The following CSMD3 variants were observed in gnomAD, a reference collection of about 807,000 sequenced individuals.
CSMD3 encodes CUB and Sushi multiple domains 3, also known as CUB and sushi domain-containing protein 3.
In CSMD3, 177 loss-of-function variants were observed where a neutral mutation model predicts 435.2. That is an observed-to-expected ratio of 0.41 (90% CI 0.36 to 0.46). CSMD3 has a LOEUF of 0.46. Among genes scored for constraint, CSMD3 ranks in the 20% least tolerant of loss-of-function variants. The pLI is 0.34. For missense variants in CSMD3, 4,265 were observed against 4,504.6 expected (o/e 0.95, Z 1.52); for synonymous variants, 1,656 against 1,520.5 (o/e 1.09, Z -2.07).
intron 10 of CSMD3, among the ~76,000 whole-genome samples, chr8:112,883,359 A>T (rs1280058188): frequency 1.3e-5 from 2 of 152,014 alleles, no homozygotes; most frequent in Non-Finnish European, 2.9e-5. Flanking sequence ...TAAAATAAGT[A>T]GGTTATTATT....
intron 4 of CSMD3, among the ~76,000 whole-genome samples, chr8:113,127,682 C>T (rs2091173457): frequency 6.6e-6 from 1 of 152,046 alleles, no homozygotes; most frequent in South Asian, 2.1e-4. Context: ...TTCTAATCTC[C>T]TTTAATCCAT....
chr8:112,364,034 G>A (rs1827514300), intron 38 of CSMD3, among the ~76,000 whole-genome samples: 1 of 151,834 alleles, frequency 6.6e-6, no homozygotes, highest in Admixed American at 6.6e-5. Context: ...TAGCTCAAGG[G>A]AGAAGACCAT....
chr8:113,121,960 C>T (rs1564339546), intron 4 of CSMD3, among the ~76,000 whole-genome samples: 1 of 152,020 alleles, frequency 6.6e-6, no homozygotes, highest in African/African-American at 2.4e-5. Context: ...TAGAAAAGAA[C>T]GTGATGTATA....
intron 23 of CSMD3, among the ~76,000 whole-genome samples, chr8:112,579,536 G>A (rs895629616): frequency 6.6e-6 from 1 of 151,860 alleles, no homozygotes; most frequent in African/African-American, 2.4e-5. Flanking sequence ...AAAATTATAT[G>A]TATTGCTCTT....
intron 7 of CSMD3, among the ~76,000 whole-genome samples, chr8:112,970,703 T>G (rs2084618551): frequency 6.6e-6 from 1 of 151,464 alleles, no homozygotes; most frequent in Admixed American, 6.6e-5. Flanking sequence ...GTTTCAAACA[T>G]TAATTCAGCT....
chr8:113,300,101 C>A (rs1345648155), intron 2 of CSMD3, among the ~76,000 whole-genome samples: 2 of 143,886 alleles, frequency 1.4e-5, no homozygotes, highest in Non-Finnish European at 3.0e-5. Flanking sequence ...CTGCAGTAAG[C>A]CAATGTGGCA....
intron 1 of CSMD3, among the ~76,000 whole-genome samples, chr8:113,386,423 G>A (rs1271236747): frequency 6.6e-6 from 1 of 151,814 alleles, no homozygotes; most frequent in Non-Finnish European, 1.5e-5. Context: ...TGAATTAGTT[G>A]ATGCATAAAG....
chr8:112,705,378 T>A (rs2076476667), intron 13 of CSMD3, among the ~76,000 whole-genome samples: 1 of 152,092 alleles, frequency 6.6e-6, no homozygotes, highest in Non-Finnish European at 1.5e-5. Flanking sequence ...CCCCACAAGT[T>A]AATGCCCCAG....
At chr8:112,865,956 T>C (rs1460532462) in intron 10 of CSMD3, among the ~76,000 whole-genome samples, 2 of 152,148 alleles carry the variant, frequency 1.3e-5, no homozygotes, top group East Asian at 3.9e-4. Flanking sequence ...TGGGCTTTGG[T>C]AGCAATTCAA....
At chr8:113,235,425 C>T (rs1457000249) in intron 3 of CSMD3, among the ~76,000 whole-genome samples, 2 of 152,108 alleles carry the variant, frequency 1.3e-5, no homozygotes, top group Non-Finnish European at 2.9e-5. Flanking sequence ...AGACCTTTTA[C>T]ACAGAGTCAG....
At chr8:112,794,744 G>A (rs1358933084) in intron 13 of CSMD3, among the ~76,000 whole-genome samples, 2 of 151,980 alleles carry the variant, frequency 1.3e-5, no homozygotes, top group Admixed American at 1.3e-4. Flanking sequence ...GATAAAAGCA[G>A]ATGCAGTCAA....
At chr8:112,320,830 G>A (rs1275093563) in intron 45 of CSMD3, among the ~76,000 whole-genome samples, 1 of 152,076 alleles carries the variant, frequency 6.6e-6, no homozygotes, top group Non-Finnish European at 1.5e-5. Flanking sequence ...TTTGAACCTA[G>A]ATAGCCTGGC....
intron 10 of CSMD3, among the ~76,000 whole-genome samples, chr8:112,868,614 T>C (rs2081049705): frequency 6.6e-6 from 1 of 152,086 alleles, no homozygotes; most frequent in Admixed American, 6.6e-5. Flanking sequence ...CATGACTGTA[T>C]ATGCAAAGCT....
chr8:112,623,506 G>T (rs529594492), intron 22 of CSMD3, among the ~76,000 whole-genome samples: 1 of 151,922 alleles, frequency 6.6e-6, no homozygotes, highest in Non-Finnish European at 1.5e-5. Context: ...TCATTGATGA[G>T]AATATTTTAT....
At chr8:112,907,485 C>T (rs528415805) in intron 10 of CSMD3, among the ~76,000 whole-genome samples, 29 of 151,374 alleles carry the variant, frequency 1.9e-4, no homozygotes, top group African/African-American at 6.3e-4. Flanking sequence ...GACGTGTTTT[C>T]TCATCTATAA....
intron 1 of CSMD3, among the ~76,000 whole-genome samples, chr8:113,338,767 T>A (rs1207162474): frequency 6.6e-6 from 1 of 151,926 alleles, no homozygotes; most frequent in Non-Finnish European, 1.5e-5. Context: ...TAATAGGGTT[T>A]TTCTTTAGAA....
intron 3 of CSMD3, among the ~76,000 whole-genome samples, chr8:113,211,511 G>T (rs1256333057): frequency 3.3e-5 from 5 of 152,050 alleles, no homozygotes; most frequent in Non-Finnish European, 7.4e-5. Context: ...CCAACATGGT[G>T]AAACCCTGTC....
At chr8:113,296,093 A>G (rs1305691570) in intron 2 of CSMD3, among the ~76,000 whole-genome samples, 1 of 151,924 alleles carries the variant, frequency 6.6e-6, no homozygotes. Context: ...TGGGAAGTGA[A>G]CAATGAGAAC....
chr8:112,273,144 T>A (rs895296319), intron 59 of CSMD3, among the ~76,000 whole-genome samples: 6 of 152,290 alleles, frequency 3.9e-5, no homozygotes, highest in African/African-American at 1.4e-4. Flanking sequence ...TGAAGACAAT[T>A]CAATAAAAAT....
Sources: gnomAD v4.1 joint callset for allele counts (sites outside exome capture counted in the v4.1 genomes callset) on GRCh38, gnomAD v4.1.1 for gene constraint, MANE v1.5 for transcripts, NCBI Gene and HGNC (gene_info 2026-07-23, HGNC 2026-07-21) for gene names.